The following MARCHF11 variants were observed in gnomAD, a reference collection of about 807,000 sequenced individuals.
MARCHF11 encodes E3 ubiquitin-protein ligase MARCHF11.
In MARCHF11, 29 loss-of-function variants were observed where a neutral mutation model predicts 37.3. That is an observed-to-expected ratio of 0.78 (90% CI 0.58 to 1.06). The LOEUF is 1.06. Among genes scored for constraint, MARCHF11 ranks in the 50% least tolerant of loss-of-function variants. The pLI is 0.00. For synonymous variants in MARCHF11, 233 were observed against 228.0 expected (o/e 1.02, Z -0.20); for missense variants, 482 against 533.4 (o/e 0.90, Z 0.95).
At chr5:16,116,850 C>T (rs1737234308) in intron 2 of MARCHF11, among the ~76,000 whole-genome samples, 1 of 152,202 alleles carries the variant, frequency 6.6e-6, no homozygotes, top group African/African-American at 2.4e-5. Flanking sequence ...GAAACAGTCC[C>T]TCCATCCCAT....
chr5:16,148,422 A>G (rs1000675045), intron 2 of MARCHF11, among the ~76,000 whole-genome samples: 3 of 152,110 alleles, frequency 2.0e-5, no homozygotes, highest in African/African-American at 7.2e-5. Context: ...ACCCACTAAC[A>G]TCTGGCAATC....
intron 2 of MARCHF11, among the ~76,000 whole-genome samples, chr5:16,146,303 C>T (rs902878755): frequency 1.3e-5 from 2 of 152,134 alleles, no homozygotes; most frequent in African/African-American, 2.4e-5. Context: ...ACATGGAAGT[C>T]GACACCTGTT....
intron 2 of MARCHF11, among the ~76,000 whole-genome samples, chr5:16,168,587 GA>G (rs1738208564): frequency 6.6e-6 from 1 of 152,082 alleles, no homozygotes. Flanking sequence ...GCTTCCAGGG[GA>G]AGAAAGCGTG....
intron 2 of MARCHF11, among the ~76,000 whole-genome samples, chr5:16,155,775 A>G (rs1737969825): frequency 6.6e-6 from 1 of 151,924 alleles, no homozygotes; most frequent in Admixed American, 6.6e-5. Context: ...CTGATGTGTA[A>G]GAGCTCAATA....
intron 2 of MARCHF11, among the ~76,000 whole-genome samples, chr5:16,119,046 C>G (rs1159255085): frequency 1.3e-5 from 2 of 152,004 alleles, no homozygotes; most frequent in Admixed American, 1.3e-4. Context: ...GGAAATAATC[C>G]AATAGCGAGA....
At chr5:16,118,359 G>A (rs1437668991) in intron 2 of MARCHF11, among the ~76,000 whole-genome samples, 1 of 152,172 alleles carries the variant, frequency 6.6e-6, no homozygotes, top group African/African-American at 2.4e-5. Flanking sequence ...TGAGCAAGGG[G>A]GAAGTAGAGA....
chr5:16,162,036 T>C (rs567440236), intron 2 of MARCHF11, among the ~76,000 whole-genome samples: 2 of 152,172 alleles, frequency 1.3e-5, no homozygotes, highest in East Asian at 3.9e-4. Flanking sequence ...AAAATAATTA[T>C]AGTCCAGGTA....
chr5:16,111,342 A>G (rs1737134201), intron 2 of MARCHF11, among the ~76,000 whole-genome samples: 1 of 152,230 alleles, frequency 6.6e-6, no homozygotes, highest in African/African-American at 2.4e-5. Context: ...AATGATATAG[A>G]CAATGAAATC....
At chr5:16,081,570 T>A (rs1384925573) in intron 3 of MARCHF11, among the ~76,000 whole-genome samples, 1 of 152,206 alleles carries the variant, frequency 6.6e-6, no homozygotes, top group African/African-American at 2.4e-5. Flanking sequence ...TTGTTCTATT[T>A]ATACCACTAT....
chr5:16,138,256 C>A (rs1431083242), intron 2 of MARCHF11, among the ~76,000 whole-genome samples: 3 of 152,172 alleles, frequency 2.0e-5, no homozygotes, highest in Non-Finnish European at 1.5e-5. Flanking sequence ...AGTTTTGAGA[C>A]TTGGCGCCCT....
chr5:16,155,161 CACTA>C (rs1737959348), intron 2 of MARCHF11, among the ~76,000 whole-genome samples: 2 of 151,906 alleles, frequency 1.3e-5, no homozygotes, highest in South Asian at 4.2e-4. Flanking sequence ...GAGCCATACA[CACTA>C]ACTACTAGAC....
chr5:16,127,166 A>G (rs531871397), intron 2 of MARCHF11, among the ~76,000 whole-genome samples: 54 of 152,306 alleles, frequency 3.5e-4, no homozygotes, highest in African/African-American at 1.2e-3. Flanking sequence ...GCATGTGTTA[A>G]GGAGGCCAGG....
intron 2 of MARCHF11, among the ~76,000 whole-genome samples, chr5:16,164,452 T>C (rs1272926344): frequency 6.6e-6 from 1 of 152,058 alleles, no homozygotes; most frequent in East Asian, 1.9e-4. Context: ...CTCCACTCTC[T>C]AGGACAGGCT....
chr5:16,073,878 C>T (rs1158439966), intron 3 of MARCHF11, among the ~76,000 whole-genome samples: 1 of 152,160 alleles, frequency 6.6e-6, no homozygotes, highest in African/African-American at 2.4e-5. Flanking sequence ...CACCTATAAA[C>T]TGTACCCTAG....
At position 16,074,149 on chromosome 5, in the gene MARCHF11, G is replaced by A. The variant is rs146080938; in HGVS notation, c.887-6356C>T. 4.6e-3 allele frequency among the ~76,000 whole-genome samples: 698 copies of A among 152,308 alleles called. 7 individuals carry two copies. Among genetic ancestry groups the A allele is most frequent in the African/African-American group, 0.016 (656 of 41,566 alleles). ...GGGATTAAATAACCTGCTCCTGAGC[G>A]ATCATTGAGTCAACAATGAAATACA... On this transcript the variant is annotated intron_variant, in intron 3 of 3. Coordinates refer to ENST00000332432, the MANE Select transcript of MARCHF11 (RefSeq NM_001102562.3).
chr5:16,087,675 T>A (rs2126554550), intron 3 of MARCHF11, among the ~76,000 whole-genome samples: 1 of 152,264 alleles, frequency 6.6e-6, no homozygotes, highest in Admixed American at 6.5e-5. Flanking sequence ...ATGTTTCAAC[T>A]ATGATAGCGG....
intron 3 of MARCHF11, among the ~76,000 whole-genome samples, chr5:16,070,351 C>G (rs1400889264): frequency 6.6e-6 from 1 of 152,202 alleles, no homozygotes; most frequent in African/African-American, 2.4e-5. Context: ...GAAGCCCTCA[C>G]ACTTCTTCTG....
intron 3 of MARCHF11, among the ~76,000 whole-genome samples, chr5:16,085,546 C>T (rs1311055074): frequency 8.3e-6 from 1 of 120,172 alleles, no homozygotes; most frequent in Non-Finnish European, 1.6e-5. Context: ...CCATAGTTGG[C>T]ATGGTATGAG....
chr5:16,074,821 A>G (rs1244743032), intron 3 of MARCHF11, among the ~76,000 whole-genome samples: 1 of 152,238 alleles, frequency 6.6e-6, no homozygotes. Context: ...ACACATGAAG[A>G]AATGATTAGT....
Sources: allele counts gnomAD v4.1 joint callset (sites outside exome capture counted in the v4.1 genomes callset), GRCh38; gene constraint gnomAD v4.1.1; transcripts MANE v1.5; gene names NCBI Gene and HGNC (gene_info 2026-07-23, HGNC 2026-07-21).